FBXL17: variants seen among roughly 807,000 people sequenced by gnomAD.
FBXL17 encodes the protein F-box/LRR-repeat protein 17.
A neutral mutation model predicts 66.2 loss-of-function variants in FBXL17; 22 were observed. The observed-to-expected ratio is 0.33, with a 90% CI of 0.24 to 0.47. The LOEUF (loss-of-function observed/expected upper bound fraction) is 0.47. FBXL17 is among the 20% of genes least tolerant of loss of function. FBXL17 has a pLI of 1.00. For synonymous variants in FBXL17, 474 were observed against 400.5 expected (o/e 1.18, Z -2.19); for missense variants, 878 against 948.2 (o/e 0.93, Z 0.97).
chr5:108,310,017 A>C (rs1017522967), intron 4 of FBXL17, among the ~76,000 whole-genome samples: 2 of 152,140 alleles, frequency 1.3e-5, no homozygotes, highest in African/African-American at 4.8e-5. Flanking sequence ...ATTTATCAAA[A>C]TGCAAAATAT....
intron 7 of FBXL17, among the ~76,000 whole-genome samples, chr5:107,917,537 C>T (rs1750170503): frequency 6.6e-6 from 1 of 152,160 alleles, no homozygotes; most frequent in African/African-American, 2.4e-5. Flanking sequence ...AATTGCTAAG[C>T]ACAGAACCGA....
chr5:108,264,214 C>CAAA (rs35346820), intron 4 of FBXL17, among the ~76,000 whole-genome samples: 7,160 of 55,484 alleles, frequency 0.13, 1,085 homozygotes, highest in Non-Finnish European at 0.14. Context: ...GACTCTTTCT[C>CAAA]AAAAAAAAAA....
intron 6 of FBXL17, among the ~76,000 whole-genome samples, chr5:108,181,791 A>C (rs1205292757): frequency 6.6e-6 from 1 of 152,116 alleles, no homozygotes; most frequent in Non-Finnish European, 1.5e-5. Flanking sequence ...CTTAGTTAAA[A>C]AATTAAGAAT....
chr5:108,072,288 C>A (rs993388113), intron 6 of FBXL17, among the ~76,000 whole-genome samples: 15 of 152,144 alleles, frequency 9.9e-5, no homozygotes, highest in Admixed American at 9.2e-4. Context: ...ACCCAAAAAG[C>A]TCCTTATTAA....
At chr5:107,942,159 C>T (rs1751126390) in intron 7 of FBXL17, among the ~76,000 whole-genome samples, 1 of 152,158 alleles carries the variant, frequency 6.6e-6, no homozygotes, top group South Asian at 2.1e-4. Flanking sequence ...TCTACTGAAG[C>T]CCCATGACCA....
Position 107,942,964 on chromosome 5 carries a change from C to T in FBXL17, c.1823-61785G>A, listed in dbSNP as rs541539216. On this transcript the variant is annotated intron_variant, in intron 7 of 8. Coordinates refer to ENST00000542267, the MANE Select transcript of FBXL17 (RefSeq NM_001163315.3). Reference sequence around the variant, plus strand: ...CAAATACAATGGACACTTTTCAGGTCCTCGTTTCACTGAATTGACCTTTTG... The same window carrying T: ...CAAATACAATGGACACTTTTCAGGTTCTCGTTTCACTGAATTGACCTTTTG... 1.1e-4 allele frequency among the ~76,000 whole-genome samples: 17 copies of T among 152,266 alleles called. No homozygotes were observed. In the East Asian group the frequency reaches 3.3e-3, roughly 29 times the overall value.
intron 6 of FBXL17, among the ~76,000 whole-genome samples, chr5:108,143,290 C>T (rs1751428288): frequency 6.6e-6 from 1 of 151,900 alleles, no homozygotes; most frequent in African/African-American, 2.4e-5. Context: ...ATACTAAACA[C>T]ATTCTTCAAT....
intron 6 of FBXL17, among the ~76,000 whole-genome samples, chr5:108,103,287 T>C (rs7712712): frequency 0.055 from 8,341 of 152,290 alleles, 401 homozygotes; most frequent in African/African-American, 0.13. Context: ...CTTCTAAAAG[T>C]TCAGGAAACT....
chr5:108,109,974 AT>A (rs1749967267), intron 6 of FBXL17, among the ~76,000 whole-genome samples: 1 of 152,154 alleles, frequency 6.6e-6, no homozygotes, highest in Non-Finnish European at 1.5e-5. Flanking sequence ...TATAATGAAT[AT>A]TTCCATTTAA....
intron 4 of FBXL17, among the ~76,000 whole-genome samples, chr5:108,253,694 T>G (rs1756456331): frequency 6.6e-6 from 1 of 152,048 alleles, no homozygotes; most frequent in South Asian, 2.1e-4. Flanking sequence ...AGCAAATAAT[T>G]AAAAATGTTT....
At chr5:107,877,058 C>T (rs1748636288) in intron 8 of FBXL17, among the ~76,000 whole-genome samples, 1 of 152,208 alleles carries the variant, frequency 6.6e-6, no homozygotes, top group Non-Finnish European at 1.5e-5. Flanking sequence ...AAAGCCGTCT[C>T]ACACAGCGTT....
chr5:108,153,574 C>T (rs286741), intron 6 of FBXL17, among the ~76,000 whole-genome samples: 30,223 of 151,958 alleles, frequency 0.2, 3,269 homozygotes, highest in South Asian at 0.41. Flanking sequence ...TTGTAGAGAC[C>T]AGCCTTCACG....
At chr5:107,913,419 G>T (rs183280137) in intron 7 of FBXL17, among the ~76,000 whole-genome samples, 1 of 152,300 alleles carries the variant, frequency 6.6e-6, no homozygotes, top group Non-Finnish European at 1.5e-5. Flanking sequence ...AGTAACATTT[G>T]CTTCTGATAT....
chr5:107,917,662 G>A (rs1440167345), intron 7 of FBXL17, among the ~76,000 whole-genome samples: 14 of 152,110 alleles, frequency 9.2e-5, no homozygotes, highest in Admixed American at 7.2e-4. Flanking sequence ...GTGCCAAGAC[G>A]GTTTAAGATT....
At chr5:108,184,190 G>A (rs997535104) in intron 6 of FBXL17, among the ~76,000 whole-genome samples, 3 of 152,208 alleles carry the variant, frequency 2.0e-5, no homozygotes, top group African/African-American at 7.2e-5. Flanking sequence ...GGAGATCGAG[G>A]CGGCGGGGCG....
At chr5:108,260,990 G>C (rs1419007311) in intron 4 of FBXL17, among the ~76,000 whole-genome samples, 1 of 151,826 alleles carries the variant, frequency 6.6e-6, no homozygotes, top group Admixed American at 6.6e-5. Flanking sequence ...ATATAGCTAA[G>C]GCACTAAGGA....
rs769847020 is a variant in FBXL17 at position 107,881,855 on chromosome 5, T to C, written c.1823-676A>G. On this transcript the variant is annotated intron_variant, in intron 7 of 8. Coordinates refer to ENST00000542267, the MANE Select transcript of FBXL17 (RefSeq NM_001163315.3). ...CATACAAAATGAAGCCTGTCGTCTG[T>C]AAACTATGAGAGTATCTGTAGTCTT... Among the ~76,000 whole-genome samples, 15 of 152,190 alleles carry C rather than the reference T, an allele frequency of 9.9e-5. 1 individual carries two copies. The highest frequency in any genetic ancestry group is 1.9e-4 in the Non-Finnish European group (13 of 68,038).
intron 5 of FBXL17, among the ~76,000 whole-genome samples, chr5:108,199,840 C>A (rs546283277): frequency 1.3e-5 from 2 of 152,170 alleles, no homozygotes; most frequent in South Asian, 2.1e-4. Context: ...TGAAATTACA[C>A]AAAGGAAATT....
intron 6 of FBXL17, among the ~76,000 whole-genome samples, chr5:108,068,422 T>C (rs1168298440): frequency 6.3e-5 from 9 of 143,336 alleles, no homozygotes; most frequent in African/African-American, 2.3e-4. Context: ...AAAATCTAAA[T>C]ACTCCTAATT....
Sources: allele counts gnomAD v4.1 joint callset (sites outside exome capture counted in the v4.1 genomes callset), GRCh38; gene constraint gnomAD v4.1.1; transcripts MANE v1.5; gene names NCBI Gene and HGNC (gene_info 2026-07-23, HGNC 2026-07-21).